The following CBFA2T3 variants were observed in gnomAD, a reference collection of about 807,000 sequenced individuals.
CBFA2T3 encodes transcriptional corepressor CBFA2T3.
CBFA2T3 carries 31 observed loss-of-function variants against 58.6 expected under a neutral mutation model. The observed-to-expected ratio is 0.53, with a 90% CI of 0.40 to 0.71. The LOEUF (loss-of-function observed/expected upper bound fraction) is 0.71, where lower values mean the gene tolerates loss of function less well. CBFA2T3 is among the 30% of genes least tolerant of loss of function. The probability of loss-of-function intolerance (pLI) is 0.00; values close to 1 mark genes in which losing one functional copy is unlikely to be tolerated. For synonymous variants in CBFA2T3, 531 were observed against 421.9 expected, an observed-to-expected ratio of 1.26 and a Z score of -3.17; for missense variants, 1,076 against 963.1, an observed-to-expected ratio of 1.12 and a Z score of -1.55.
At chr16:88,882,570 CTGTGGGCGTGGCTGTGTGTGCAT>C in intron 8 of CBFA2T3, 83 bp downstream of exon 8, 1 of 383,790 alleles carries the variant, frequency 2.6e-6, no homozygotes, top group Non-Finnish European at 4.4e-6. Flanking sequence ...GTGGGCATGG[CTGTGGGCGTGGCTGTGTGTGCAT>C]GGCTGTGTGT....
chr16:88,966,066 G>C (rs1282740973), intron 1 of CBFA2T3, among the ~76,000 whole-genome samples: 1 of 152,200 alleles, frequency 6.6e-6, no homozygotes, highest in Admixed American at 6.5e-5. Context: ...CCTTGGCCAG[G>C]GAAAGCAGAC....
intron 11 of CBFA2T3, among the ~76,000 whole-genome samples, chr16:88,878,681 C>T (rs546366304): frequency 9.4e-4 from 143 of 152,334 alleles, no homozygotes; most frequent in African/African-American, 3.2e-3. Flanking sequence ...CACAGCGGCT[C>T]GCTTCTGTCA....
In CBFA2T3 at chr16:88,879,458, C is replaced by T. The variant is rs1317796747; in HGVS notation, c.1474G>A (p.Glu492Lys). 2.5e-6 allele frequency: 4 copies of T among 1,609,044 alleles called. No homozygotes were observed. Among genetic ancestry groups the T allele is most frequent in the Non-Finnish European group, 3.4e-6 (4 of 1,176,482 alleles). ...TGCCGCTTCACCTCATTCACGGCCT[C>T]TTCTGCAAAGGACATGGGCAGGGCT... ...VPEDIWRKAE[E>K]AVNEVKRQAM... Residue 492 changes from glutamate to lysine, a missense_variant and splice_region_variant, in exon 11 of 12, where the codon GAG (glutamate) becomes AAG (lysine). Physicochemically the swap from Glu to Lys is moderately conservative, Grantham distance 56. Transcript: ENST00000268679.
In CBFA2T3 at chr16:88,892,307, C is replaced by T. The variant is rs377315910; in HGVS notation, c.558G>A (p.Gln186=). Residue 186 remains glutamine, a synonymous_variant, in exon 4 of 12, where the codon CAG becomes CAA. Coordinates refer to ENST00000268679, the MANE Select transcript of CBFA2T3 (RefSeq NM_005187.6). The part of the protein sequence containing the change: ...KLKRFLTTLQ[Q]FGSDISPEIG... ...TCTCTGGGGAGATGTCGCTGCCAAA[C>T]TGCTGCAGTGTGGTGAGGAAGCGCT... The T allele has an allele frequency of 2.2e-5, 35 of 1,612,948 alleles. No individual in the cohort carries two copies. Among genetic ancestry groups the T allele is most frequent in the Non-Finnish European group, 2.8e-5 (33 of 1,179,972 alleles).
At chr16:88,934,084 C>G (rs986349465) in intron 1 of CBFA2T3, among the ~76,000 whole-genome samples, 3 of 152,252 alleles carry the variant, frequency 2.0e-5, no homozygotes, top group Non-Finnish European at 4.4e-5. Flanking sequence ...AACGTGGCCA[C>G]GAGACAGTCT....
At chr16:88,909,908 T>C (rs1555535622) in intron 1 of CBFA2T3, among the ~76,000 whole-genome samples, 1 of 152,218 alleles carries the variant, frequency 6.6e-6, no homozygotes, top group Non-Finnish European at 1.5e-5. Context: ...CAGGCCAAGG[T>C]AAACCCGTAC....
Position 88,966,201 on chromosome 16 carries a change from C to T in CBFA2T3, c.151+10456G>A, listed in dbSNP as rs151015843. Among the ~76,000 whole-genome samples the T allele has an allele frequency of 1.4e-3, 215 of 152,342 alleles. 2 individuals carry two copies. In the East Asian group the frequency reaches 0.019, roughly 14 times the overall value. Reference sequence around the variant, plus strand: ...GGCCTGCACAGTCCCAGGACTTCCCCGACCTGAGTCACAGCACGGCTTCCT... The same window carrying T: ...GGCCTGCACAGTCCCAGGACTTCCCTGACCTGAGTCACAGCACGGCTTCCT... On this transcript the variant is annotated intron_variant, in intron 1 of 11. Transcript: ENST00000268679.
In CBFA2T3 at chr16:88,885,527, C is replaced by T. The variant is rs985813521; in HGVS notation, c.894-258G>A. On this transcript the variant is annotated intron_variant, in intron 6 of 11. Transcript: ENST00000268679. This position sits in a 1 kb window ranked among gnomAD's most constrained non-coding sequence, Gnocchi z 5.3. Reference sequence around the variant, plus strand: ...TCCTGGGGCCTGGTGGTCAAAGAGCCGGACTCGCTGCTCTGGGAACGAGGA... The same window carrying T: ...TCCTGGGGCCTGGTGGTCAAAGAGCTGGACTCGCTGCTCTGGGAACGAGGA... Among the ~76,000 whole-genome samples the T allele has an allele frequency of 3.3e-5, 5 of 152,144 alleles. No homozygotes were observed. Among genetic ancestry groups the T allele is most frequent in the African/African-American group, 1.2e-4 (5 of 41,424 alleles).
intron 1 of CBFA2T3, among the ~76,000 whole-genome samples, chr16:88,954,184 C>A (rs1972147727): frequency 6.6e-6 from 1 of 152,156 alleles, no homozygotes; most frequent in Admixed American, 6.5e-5. Flanking sequence ...CACGATGGTA[C>A]CCCAACTGCT....
rs1186123379 is a variant in CBFA2T3 at position 88,877,216 on chromosome 16, G to C, written c.1722C>G (p.Arg574=). Residue 574 remains arginine, a synonymous_variant, in exon 12 of 12, where the codon CGC becomes CGG. Transcript: ENST00000268679. ...GATGCTGGCAGAAGGACCCGCAGTA[G>C]CGTGCCGCGTTGCAGCCGCTGCACG... ...SETCSGCNAA[R]YCGSFCQHRD... The C allele has an allele frequency of 7.1e-6, 11 of 1,556,204 alleles. No homozygotes were observed. Among genetic ancestry groups the C allele is most frequent in the Non-Finnish European group, 9.6e-6 (11 of 1,150,532 alleles).
chr16:88,898,021 G>A, intron 3 of CBFA2T3, 57 bp downstream of exon 3: 1 of 1,284,632 alleles, frequency 7.8e-7, no homozygotes. Flanking sequence ...TGGGCCAGCT[G>A]AGGATGCTGC....
At chr16:88,926,613 C>T (rs1009343948) in intron 1 of CBFA2T3, among the ~76,000 whole-genome samples, 4 of 152,210 alleles carry the variant, frequency 2.6e-5, no homozygotes, top group Non-Finnish European at 4.4e-5. Flanking sequence ...CGTGGGTGAG[C>T]GCTGCCCCCA....
intron 1 of CBFA2T3, among the ~76,000 whole-genome samples, chr16:88,942,897 G>A (rs531890202): frequency 6.6e-6 from 1 of 152,334 alleles, no homozygotes; most frequent in African/African-American, 2.4e-5. Context: ...CCCAGTCCTT[G>A]TGGAATGGAG....
Position 88,874,896 on chromosome 16 carries a change from TTACCA to T in CBFA2T3, c.*2075_*2079del. ...TTTTATTTGGCAAACATCTCGTTTA[TTACCA>T]TCATGAATATCATTTGGACCTCTGC... On this transcript the variant is annotated 3_prime_UTR_variant, in exon 12 of 12. Transcript: ENST00000268679. The T allele has an allele frequency of 4.3e-6, 1 of 232,252 alleles. No homozygotes were observed. 14.4% of individuals were successfully genotyped at this position (232,252 alleles called of 1,614,324 possible).
At chr16:88,919,314 A>G (rs1278252013) in intron 1 of CBFA2T3, among the ~76,000 whole-genome samples, 1 of 152,206 alleles carries the variant, frequency 6.6e-6, no homozygotes, top group Non-Finnish European at 1.5e-5. Context: ...CAGGTTATAA[A>G]TGACCCTGGT....
intron 1 of CBFA2T3, among the ~76,000 whole-genome samples, chr16:88,948,853 G>A (rs559313979): frequency 1.3e-4 from 20 of 152,278 alleles, no homozygotes; most frequent in African/African-American, 3.9e-4. Context: ...AAGTTCACAC[G>A]AGAACCAGGC....
intron 11 of CBFA2T3, among the ~76,000 whole-genome samples, chr16:88,877,941 C>T (rs1007465147): frequency 6.6e-6 from 1 of 152,232 alleles, no homozygotes; most frequent in African/African-American, 2.4e-5. Flanking sequence ...GGGAGAAGCC[C>T]AGGTCCCTAT....
At chr16:88,928,404 C>T (rs1050718505) in intron 1 of CBFA2T3, among the ~76,000 whole-genome samples, 3 of 152,202 alleles carry the variant, frequency 2.0e-5, no homozygotes, top group Non-Finnish European at 4.4e-5. Context: ...GCCTCTGTGG[C>T]CACACGTCCA....
At chr16:88,898,196 G>A (rs1451807937) in intron 2 of CBFA2T3, 44 bp from the exon 3 acceptor site, 4 of 1,480,404 alleles carry the variant, frequency 2.7e-6, no homozygotes, top group East Asian at 4.5e-5. Context: ...AGGGGCGTGG[G>A]CAGGAGACTC....
Sources: allele counts gnomAD v4.1 joint callset (sites outside exome capture counted in the v4.1 genomes callset), GRCh38; gene constraint gnomAD v4.1.1; non-coding constraint Gnocchi (gnomAD v3.1); transcripts MANE v1.5; gene names NCBI Gene and HGNC (gene_info 2026-07-23, HGNC 2026-07-21).